ACACB: variants seen among roughly 807,000 people sequenced by gnomAD.
ACACB encodes the protein acetyl-CoA carboxylase beta, also known as acetyl-CoA carboxylase 2.
ACACB carries 209 observed loss-of-function variants against 278.8 expected under a neutral mutation model. The observed-to-expected ratio is 0.75, with a 90% CI of 0.67 to 0.84. The LOEUF (loss-of-function observed/expected upper bound fraction) is 0.84. ACACB is among the 40% of genes least tolerant of loss of function. ACACB has a pLI of 0.00. For synonymous variants in ACACB, 1,174 were observed against 1,285.6 expected (o/e 0.91, Z 1.86); for missense variants, 2,850 against 3,269.0 (o/e 0.87, Z 3.13).
intron 6 of ACACB, among the ~76,000 whole-genome samples, chr12:109,173,668 C>T (rs76238354): frequency 0.012 from 1,764 of 152,312 alleles, 25 homozygotes; most frequent in African/African-American, 0.041. Flanking sequence ...CGTGCTTATT[C>T]GTTTATGTAT....
At chr12:109,126,710 AAAAG>A (rs1397867723) in intron 1 of ACACB, among the ~76,000 whole-genome samples, 3 of 152,114 alleles carry the variant, frequency 2.0e-5, no homozygotes, top group Non-Finnish European at 4.4e-5. Flanking sequence ...ATAAAAAATA[AAAAG>A]AAAGAAAAAA....
chr12:109,242,523 G>A lies in ACACB; in HGVS notation c.5109G>A (p.Gln1703=), dbSNP rs200000830. 4 of 1,614,172 alleles carry A rather than the reference G, an allele frequency of 2.5e-6. No individual in the cohort carries two copies. The highest frequency in any genetic ancestry group is 3.4e-6 in the Non-Finnish European group (4 of 1,180,036). Residue 1703 remains glutamine (Q), a synonymous_variant, in exon 37 of 53, where the codon CAG becomes CAA. Transcript: ENST00000338432. The part of the protein sequence containing the change: ...NTPYVTKDLL[Q]AKRFQAQTLG... The stretch of plus-strand genomic sequence containing the variant: ...CCTACGTCACCAAGGATCTGCTCCA[G>A]GCCAAGCGATTCCAGGCCCAGACCC...
chr12:109,212,932 C>CAGAGGTG lies in ACACB; in HGVS notation c.3348_3350+4dup. 5.6e-6 allele frequency: 9 copies of CAGAGGTG among 1,613,796 alleles called. No individual in the cohort carries two copies. Among genetic ancestry groups the CAGAGGTG allele is most frequent in the Non-Finnish European group, 5.9e-6 (7 of 1,179,722 alleles). ...CACCCAGAGCATCGTGCAGTTGGTC[C>CAGAGGTG]AGAGGTGAATCCTGGGTCTCCCCGT... On this transcript the variant is annotated stop_gained and frameshift_variant, in exon 22 of 53. Transcript: ENST00000338432. LOFTEE classifies it high-confidence loss of function.
At chr12:109,130,761 A>G (rs540536754) in intron 1 of ACACB, among the ~76,000 whole-genome samples, 157 of 152,210 alleles carry the variant, frequency 1.0e-3, no homozygotes, top group Non-Finnish European at 1.9e-3. Flanking sequence ...TGAATTTGCA[A>G]AAGGACATTG....
chr12:109,116,495 C>A (rs915893589), upstream of ACACB: 1 of 152,232 alleles, frequency 6.6e-6, no homozygotes, highest in African/African-American at 2.4e-5. Context: ...TCATCTTTGC[C>A]CCGGGTTGTT....
rs775509771 is a variant in ACACB, at chr12:109,252,159, G to A, written c.5901+3G>A. On this transcript the variant is annotated splice_donor_region_variant and intron_variant, in intron 42 of 52. Transcript: ENST00000338432. Reference sequence around the variant, plus strand: ...CAGGAGCAAGTGCTCTCAACAAGGTGACCAAAAAGGGGCCTGTGCAGAGTG... The same window carrying A: ...CAGGAGCAAGTGCTCTCAACAAGGTAACCAAAAAGGGGCCTGTGCAGAGTG... 1.2e-6 allele frequency: 2 copies of A among 1,602,262 alleles called. No individual in the cohort carries two copies. The highest frequency in any genetic ancestry group is 2.7e-5 in the African/African-American group (2 of 74,582).
chr12:109,161,037 G>A (rs150802665), intron 2 of ACACB, among the ~76,000 whole-genome samples: 203 of 152,314 alleles, frequency 1.3e-3, no homozygotes, highest in African/African-American at 4.4e-3. Context: ...GAAGGTCGTG[G>A]ACAGAATGAG....
rs1409631810 is a variant in ACACB, at chr12:109,266,342, G to A, written c.7357G>A (p.Asp2453Asn). 6.2e-7 allele frequency: 1 copy of A among 1,610,662 alleles called. No individual in the cohort carries two copies. The highest frequency in any genetic ancestry group is 2.2e-5 in the East Asian group (1 of 44,824). The stretch of plus-strand genomic sequence containing the variant: ...GGTCGTTCACCTGCTGTCTACCATG[G>A]ACAGCCCGGCCTCCACCTGACCGTG... ...AQVVHLLSTMDSPAST is the reference protein window; with the variant it reads ...AQVVHLLSTMNSPAST The change falls in exon 53 of 53, where the codon GAC becomes AAC. Residue 2453 changes from aspartate (D) to asparagine (N), a missense_variant. Physicochemically the swap from Asp to Asn is conservative, Grantham distance 23. Around this residue, in one of 3 missense-constraint regions of ACACB, gnomAD observed 579 missense variants for 684.6 expected, o/e 0.85. Transcript: ENST00000338432.
chr12:109,119,626 G>T (rs1374756378), intron 1 of ACACB, among the ~76,000 whole-genome samples: 1 of 151,648 alleles, frequency 6.6e-6, no homozygotes, highest in African/African-American at 2.4e-5. Context: ...ACAGGGCTGG[G>T]TGGCTCACGC....
chr12:109,167,529 G>A (rs1243993183), intron 3 of ACACB, among the ~76,000 whole-genome samples: 4 of 149,518 alleles, frequency 2.7e-5, no homozygotes, highest in Non-Finnish European at 5.9e-5. Flanking sequence ...AAGCTGGAAG[G>A]TCGAAGCTGC....
At position 109,262,352 on chromosome 12, in the gene ACACB, T is replaced by G; in HGVS notation, c.6675-5T>G. 2 of 1,610,510 alleles carry G rather than the reference T, an allele frequency of 1.2e-6. No individual in the cohort carries two copies. The highest frequency in any genetic ancestry group is 1.7e-6 in the Non-Finnish European group (2 of 1,177,416). ...TACCCCCATCCCTGCCTCTTCTCTT[T>G]TAAGGGGTGGTGTTCTGGAACCAGA... On this transcript the variant is annotated splice_polypyrimidine_tract_variant and splice_region_variant and intron_variant, in intron 48 of 52. Coordinates refer to ENST00000338432, the MANE Select transcript of ACACB (RefSeq NM_001093.4).
At chr12:109,245,597 GT>G in intron 37 of ACACB, 28 bp from the exon 38 acceptor site, 31 of 1,608,104 alleles carry the variant, frequency 1.9e-5, no homozygotes, top group Non-Finnish European at 2.5e-5. Context: ...ATGACTTCAA[GT>G]TTTTTCTCTT....
intron 1 of ACACB, among the ~76,000 whole-genome samples, chr12:109,120,381 A>G (rs985542597): frequency 1.3e-5 from 2 of 152,182 alleles, no homozygotes; most frequent in African/African-American, 4.8e-5. Context: ...GGTGGGGACC[A>G]TCTTTCAGGA....
chr12:109,164,984 C>T lies in ACACB; in HGVS notation c.654-1877C>T, dbSNP rs570748074. Among the ~76,000 whole-genome samples, 176 of 152,144 alleles carry T rather than the reference C, an allele frequency of 1.2e-3. 1 individual carries two copies. The highest frequency in any genetic ancestry group is 4.1e-3 in the African/African-American group (172 of 41,494). On this transcript the variant is annotated intron_variant, in intron 2 of 52. Transcript: ENST00000338432. Reference sequence around the variant, plus strand: ...CACAGGAGACAGGAAACAGGAGATTCAACATAGACTGAAAGGGAGTCTCCA... The same window carrying T: ...CACAGGAGACAGGAAACAGGAGATTTAACATAGACTGAAAGGGAGTCTCCA...
chr12:109,237,964 A>G (rs576344111), intron 34 of ACACB, among the ~76,000 whole-genome samples: 55 of 150,660 alleles, frequency 3.7e-4, no homozygotes, highest in African/African-American at 1.3e-3. Context: ...GTGAGCTGAG[A>G]TGGAGCCCTT....
At position 109,265,256 on chromosome 12, in the gene ACACB, CG is replaced by C; in HGVS notation, c.7090del (p.Val2364TrpfsTer43). 3 of 1,613,208 alleles carry C rather than the reference CG, an allele frequency of 1.9e-6. No homozygotes were observed. The highest frequency in any genetic ancestry group is 2.5e-6 in the Non-Finnish European group (3 of 1,179,978). On this transcript the variant is annotated frameshift_variant, in exon 51 of 53. Transcript: ENST00000338432. LOFTEE classifies it high-confidence loss of function. ...HIQSMLRRWF[V>X]ETEGAVKAYL... ...TCCAGTCCATGCTGCGTCGCTGGTT[CG>C]TGGAGACGGAGGGGGCTGTCAAGGT...
chr12:109,166,828 C>G (rs760505301), intron 2 of ACACB, 33 bp from the exon 3 acceptor site: 31 of 1,613,878 alleles, frequency 1.9e-5, no homozygotes, highest in South Asian at 4.4e-5. Flanking sequence ...CTTCTTCCCT[C>G]ATGCACGTCT....
intron 41 of ACACB, 46 bp downstream of exon 41, chr12:109,250,150 G>A (rs1381172651): frequency 6.6e-7 from 1 of 1,525,536 alleles, no homozygotes; most frequent in East Asian, 2.4e-5. Flanking sequence ...TTCCATTATA[G>A]AAACTTTAAA....
At position 109,262,345 on chromosome 12, in the gene ACACB, T is replaced by G. The variant is rs573173203; in HGVS notation, c.6675-12T>G. ...CCTCATATACCCCCATCCCTGCCTC[T>G]TCTCTTTTAAGGGGTGGTGTTCTGG... On this transcript the variant is annotated splice_polypyrimidine_tract_variant and intron_variant, in intron 48 of 52. Transcript: ENST00000338432. 6.2e-7 allele frequency: 1 copy of G among 1,609,720 alleles called. No homozygotes were observed. The highest frequency in any genetic ancestry group is 1.3e-5 in the African/African-American group (1 of 74,934).
Sources: allele counts gnomAD v4.1 joint callset (sites outside exome capture counted in the v4.1 genomes callset), GRCh38; gene constraint gnomAD v4.1.1; regional missense constraint gnomAD v4.1.1; transcripts MANE v1.5; gene names NCBI Gene and HGNC (gene_info 2026-07-23, HGNC 2026-07-21).